The following RBFOX1 variants were observed in gnomAD, a reference collection of about 807,000 sequenced individuals.
RBFOX1 encodes RNA binding protein fox-1 homolog 1.
A neutral mutation model predicts 57.7 loss-of-function variants in RBFOX1; 8 were observed. That is an observed-to-expected ratio of 0.14 (90% CI 0.08 to 0.25). The LOEUF is 0.25. Among genes scored for constraint, RBFOX1 ranks in the 10% least tolerant of loss-of-function variants. RBFOX1 has a pLI of 1.00. For missense variants in RBFOX1, 611 were observed against 548.5 expected, an observed-to-expected ratio of 1.11 and a Z score of -1.14; for synonymous variants, 326 against 222.4, an observed-to-expected ratio of 1.47 and a Z score of -4.15.
At chr16:6,724,208 ATT>A (rs35887818) in intron 3 of RBFOX1, among the ~76,000 whole-genome samples, 38 of 127,996 alleles carry the variant, frequency 3.0e-4, no homozygotes, top group African/African-American at 6.3e-4. Flanking sequence ...GGCATCTTCC[ATT>A]TTTTTTTTTT....
chr16:7,586,935 A>G (rs1239447060), intron 6 of RBFOX1, among the ~76,000 whole-genome samples: 1 of 152,236 alleles, frequency 6.6e-6, no homozygotes, highest in Non-Finnish European at 1.5e-5. Context: ...CATTGTATGT[A>G]CATACTAGCC....
At position 6,899,541 on chromosome 16, in the gene RBFOX1, C is replaced by T. The variant is rs533522045; in HGVS notation, c.-15-152516C>T. Among the ~76,000 whole-genome samples the T allele has an allele frequency of 2.0e-5, 3 of 152,280 alleles. No homozygotes were observed. In the East Asian group the frequency reaches 5.8e-4, roughly 29 times the overall value. On this transcript the variant is annotated intron_variant, in intron 3 of 15. Coordinates refer to ENST00000550418, the MANE Select transcript of RBFOX1 (RefSeq NM_018723.4). ...GGAATGAGTTTATATTTAGAGACAC[C>T]TGGATGTAGATTACAACTCCATCTC...
At chr16:5,638,529 A>G (rs982055062) in intron 3 of RBFOX1, among the ~76,000 whole-genome samples, 10 of 152,242 alleles carry the variant, frequency 6.6e-5, no homozygotes, top group East Asian at 3.9e-4. Flanking sequence ...CCAGTCCCCA[A>G]CAAACACAGT....
intron 4 of RBFOX1, among the ~76,000 whole-genome samples, chr16:7,153,003 G>T (rs7186674): frequency 0.39 from 58,622 of 151,980 alleles, 12,411 homozygotes; most frequent in African/African-American, 0.57. Flanking sequence ...AAGAGAGTGT[G>T]TTCATTTGTG....
At chr16:7,222,900 C>G (rs568642537) in intron 4 of RBFOX1, among the ~76,000 whole-genome samples, 4 of 152,244 alleles carry the variant, frequency 2.6e-5, no homozygotes, top group African/African-American at 9.6e-5. Context: ...GAAGTTCACT[C>G]ACTACATTTT....
intron 5 of RBFOX1, among the ~76,000 whole-genome samples, chr16:7,530,855 T>C (rs575456137): frequency 1.3e-5 from 2 of 152,296 alleles, no homozygotes; most frequent in South Asian, 2.1e-4. Context: ...GAGATGCTCA[T>C]GGGTTCTCTG....
chr16:5,961,777 C>G (rs2098082), intron 4 of RBFOX1, among the ~76,000 whole-genome samples: 30,935 of 152,146 alleles, frequency 0.2, 3,284 homozygotes, highest in Middle Eastern at 0.41. Context: ...GTCCTCCTGC[C>G]TCAGCCTTCC....
At chr16:7,040,209 C>CG (rs1364610086) in intron 3 of RBFOX1, among the ~76,000 whole-genome samples, 1 of 151,672 alleles carries the variant, frequency 6.6e-6, no homozygotes, top group East Asian at 1.9e-4. Flanking sequence ...TTAGTAGAGA[C>CG]GGGGTTTCAC....
chr16:5,470,487 G>A (rs937667808), intron 2 of RBFOX1, among the ~76,000 whole-genome samples: 1 of 152,020 alleles, frequency 6.6e-6, no homozygotes, highest in Non-Finnish European at 1.5e-5. Flanking sequence ...CTCTCTGTCT[G>A]TCTCTCTCAA....
intron 3 of RBFOX1, among the ~76,000 whole-genome samples, chr16:6,826,851 A>C (rs2092212014): frequency 6.6e-6 from 1 of 152,204 alleles, no homozygotes; most frequent in African/African-American, 2.4e-5. Flanking sequence ...TGAAATCCTC[A>C]AACGCAGTTG....
At chr16:6,896,565 C>G (rs1272930586) in intron 3 of RBFOX1, among the ~76,000 whole-genome samples, 3 of 152,106 alleles carry the variant, frequency 2.0e-5, no homozygotes, top group South Asian at 2.1e-4. Context: ...ATAATAATCT[C>G]CAGTTCCATC....
chr16:6,856,374 T>C (rs375707136), intron 3 of RBFOX1, among the ~76,000 whole-genome samples: 2 of 152,154 alleles, frequency 1.3e-5, no homozygotes, highest in Admixed American at 6.5e-5. Context: ...GAGTAGACTA[T>C]GTCTCCTTGG....
At chr16:7,276,578 C>T (rs2095444615) in intron 4 of RBFOX1, among the ~76,000 whole-genome samples, 1 of 152,004 alleles carries the variant, frequency 6.6e-6, no homozygotes, top group Admixed American at 6.6e-5. Flanking sequence ...TTTTCTGCCT[C>T]CTAGGGGATC....
At chr16:6,398,028 A>G (rs9930831) in intron 2 of RBFOX1, among the ~76,000 whole-genome samples, 17,363 of 152,242 alleles carry the variant, frequency 0.11, 2,200 homozygotes, top group African/African-American at 0.32. Flanking sequence ...AACCATAAAC[A>G]TAAGTCCAAC....
At chr16:7,478,898 T>C (rs192612155) in intron 4 of RBFOX1, among the ~76,000 whole-genome samples, 1 of 152,260 alleles carries the variant, frequency 6.6e-6, no homozygotes, top group East Asian at 1.9e-4. Flanking sequence ...GGGGCTAGTT[T>C]GTTAATTCGA....
At chr16:6,099,398 A>C (rs2096279552) in intron 1 of RBFOX1, among the ~76,000 whole-genome samples, 1 of 152,184 alleles carries the variant, frequency 6.6e-6, no homozygotes, top group Admixed American at 6.5e-5. Flanking sequence ...ACAGGAGGTT[A>C]GTTCTGAGTG....
chr16:5,813,406 C>T (rs769646574), intron 3 of RBFOX1, among the ~76,000 whole-genome samples: 2 of 152,170 alleles, frequency 1.3e-5, no homozygotes, highest in African/African-American at 2.4e-5. Flanking sequence ...CATTCCTCCC[C>T]GGCCCTCAGT....
At chr16:6,043,124 A>G (rs2152419862) in intron 1 of RBFOX1, among the ~76,000 whole-genome samples, 1 of 14,582 alleles carries the variant, frequency 6.9e-5, no homozygotes, top group African/African-American at 1.0e-3. Context: ...TTTCCAGAAA[A>G]AAAAAAAAAA....
intron 3 of RBFOX1, among the ~76,000 whole-genome samples, chr16:5,773,871 T>A (rs929756350): frequency 2.0e-5 from 3 of 152,088 alleles, no homozygotes; most frequent in Admixed American, 6.6e-5. Context: ...CTAATTTTTG[T>A]ATTTTTAGGA....
Sources: gnomAD v4.1 joint callset for allele counts (sites outside exome capture counted in the v4.1 genomes callset) on GRCh38, gnomAD v4.1.1 for gene constraint, MANE v1.5 for transcripts, NCBI Gene and HGNC (gene_info 2026-07-23, HGNC 2026-07-21) for gene names.